CALD1: variants seen among roughly 807,000 people sequenced by gnomAD.
The protein encoded by CALD1 is caldesmon 1, also known as caldesmon.
CALD1 carries 33 observed loss-of-function variants against 99.9 expected under a neutral mutation model. The ratio of observed to expected loss-of-function variants is 0.33; its 90% CI spans 0.25 to 0.44. The LOEUF (loss-of-function observed/expected upper bound fraction) is 0.44. CALD1 is among the 20% of genes least tolerant of loss of function. CALD1 has a pLI of 1.00. For synonymous variants in CALD1, 310 were observed against 325.0 expected, an observed-to-expected ratio of 0.95 and a Z score of 0.50; for missense variants, 861 against 962.1, an observed-to-expected ratio of 0.89 and a Z score of 1.39.
chr7:134,872,477 T>G (rs1463060137), intron 3 of CALD1, among the ~76,000 whole-genome samples: 2 of 152,106 alleles, frequency 1.3e-5, no homozygotes, highest in Admixed American at 1.3e-4. Context: ...TCTGAGTTCT[T>G]GAGATAAGGT....
At chr7:134,740,232 C>T (rs1562986409), upstream of CALD1, among the ~76,000 whole-genome samples, 1 of 151,990 alleles carries the variant, frequency 6.6e-6, no homozygotes, top group Non-Finnish European at 1.5e-5. Flanking sequence ...ACATTTGAAT[C>T]AGTGCCTTGA....
intron 9 of CALD1, among the ~76,000 whole-genome samples, chr7:134,952,893 A>C (rs979842673): frequency 2.6e-5 from 4 of 152,200 alleles, no homozygotes; most frequent in African/African-American, 9.7e-5. Flanking sequence ...CCACAGAGGG[A>C]TTATACATTT....
In CALD1 at chr7:134,897,195, CTG is replaced by C. The variant is rs563489824; in HGVS notation, c.71+29392_71+29393del. On this transcript the variant is annotated intron_variant, in intron 3 of 14. Coordinates refer to ENST00000361675, the MANE Select transcript of CALD1 (RefSeq NM_033138.4). ...ATTCTAGTGAATACTGCTGTACTGA[CTG>C]AGCATTAAGAACATCAAAAAGGACA... Among the ~76,000 whole-genome samples the C allele has an allele frequency of 2.8e-3, 432 of 152,222 alleles. 2 individuals are homozygous for C. The highest frequency in any genetic ancestry group is 0.01 in the Middle Eastern group (3 of 294).
chr7:134,944,105 T>C (rs1162686095), intron 7 of CALD1, among the ~76,000 whole-genome samples: 1 of 152,132 alleles, frequency 6.6e-6, no homozygotes, highest in Non-Finnish European at 1.5e-5. Flanking sequence ...GGAAAGACCC[T>C]AAATTGACTG....
In CALD1 at chr7:134,750,960, A is replaced by G. The variant is rs1053890847; in HGVS notation, c.-130+6597A>G. Reference sequence around the variant, plus strand: ...TTATTACAGCCTATCATTTGGGAATATGGCATGCTTCTCCATCACTGTATT... The same window carrying G: ...TTATTACAGCCTATCATTTGGGAATGTGGCATGCTTCTCCATCACTGTATT... On this transcript the variant is annotated intron_variant, in intron 1 of 13. Coordinates refer to the CALD1 transcript ENST00000417172. Among the ~76,000 whole-genome samples, 5 of 152,276 alleles carry G rather than the reference A, an allele frequency of 3.3e-5. No homozygotes were observed. In the South Asian group the frequency reaches 8.3e-4, roughly 25 times the overall value.
chr7:134,935,588 C>A, intron 5 of CALD1, 100 bp from the exon 6 acceptor site: 1 of 1,502,416 alleles, frequency 6.7e-7, no homozygotes, highest in Non-Finnish European at 8.9e-7. Flanking sequence ...GAAGCCATCC[C>A]ACGCAGCACT....
chr7:134,850,679 C>A (rs1221430562), intron 2 of CALD1, among the ~76,000 whole-genome samples: 1 of 152,152 alleles, frequency 6.6e-6, no homozygotes, highest in Non-Finnish European at 1.5e-5. Context: ...GGCACATGGT[C>A]AGCCATCAGT....
In CALD1 at chr7:134,886,501, C is replaced by T. The variant is rs537388061; in HGVS notation, c.71+18697C>T. Among the ~76,000 whole-genome samples, 57 of 152,312 alleles carry T rather than the reference C, an allele frequency of 3.7e-4. 1 individual carries two copies. Among genetic ancestry groups the T allele is most frequent in the African/African-American group, 1.3e-3 (52 of 41,576 alleles). Reference sequence around the variant, plus strand: ...TGATGTTAGGATGTGTTAACAGGAACGTGGCAGGAAGCACTGGGACTTCAG... The same window carrying T: ...TGATGTTAGGATGTGTTAACAGGAATGTGGCAGGAAGCACTGGGACTTCAG... On this transcript the variant is annotated intron_variant, in intron 3 of 14. Transcript: ENST00000361675.
chr7:134,890,730 A>C (rs1240133865), intron 3 of CALD1, among the ~76,000 whole-genome samples: 1 of 152,208 alleles, frequency 6.6e-6, no homozygotes. Context: ...TCCATTGCCC[A>C]GCTTGGCTGA....
chr7:134,927,454 A>C lies in CALD1; in HGVS notation c.72-1300A>C, dbSNP rs184950691. Among the ~76,000 whole-genome samples the C allele has an allele frequency of 2.7e-4, 36 of 133,328 alleles. No individual in the cohort carries two copies. In the South Asian group the frequency reaches 7.6e-3, roughly 28 times the overall value. The allele number at this position is 133,328 out of a possible 152,430, so 87.5% of individuals were successfully genotyped here. A position where few individuals can be genotyped will look rare whatever the true frequency, so the allele number is the denominator to read the frequency against. On this transcript the variant is annotated intron_variant, in intron 3 of 14. Transcript: ENST00000361675. ...ATAGTCCCAGCTACTCAGGAGGCTG[A>C]GGTGGGACAATTGCTTGAGCCTGGG...
chr7:134,940,236 T>C (rs901252012), intron 6 of CALD1, among the ~76,000 whole-genome samples: 2 of 152,192 alleles, frequency 1.3e-5, no homozygotes, highest in Admixed American at 6.5e-5. Flanking sequence ...TGAATTCCTT[T>C]ACCCCCTCCC....
At chr7:134,825,922 A>C (rs534925369) in intron 1 of CALD1, among the ~76,000 whole-genome samples, 159 of 152,228 alleles carry the variant, frequency 1.0e-3, no homozygotes, top group Non-Finnish European at 1.8e-3. Context: ...GTTTTCCTTC[A>C]GTTTCACCAA....
At chr7:134,926,891 A>G (rs1805065743) in intron 3 of CALD1, among the ~76,000 whole-genome samples, 1 of 152,226 alleles carries the variant, frequency 6.6e-6, no homozygotes, top group Non-Finnish European at 1.5e-5. Context: ...TACACTTTAA[A>G]ATATGCCAAC....
intron 1 of CALD1, among the ~76,000 whole-genome samples, chr7:134,748,840 C>T (rs186800480): frequency 5.0e-4 from 76 of 152,086 alleles, no homozygotes; most frequent in African/African-American, 1.7e-3. Context: ...CTCAAGGTGA[C>T]GGTATTATGA....
chr7:134,911,252 T>G (rs1362859011), intron 3 of CALD1, among the ~76,000 whole-genome samples: 2 of 150,246 alleles, frequency 1.3e-5, no homozygotes, highest in Non-Finnish European at 3.0e-5. Context: ...CTGGAACTGA[T>G]GGTCAGAAAG....
intron 1 of CALD1, among the ~76,000 whole-genome samples, chr7:134,761,225 C>G (rs531434596): frequency 6.6e-6 from 1 of 152,172 alleles, no homozygotes; most frequent in Non-Finnish European, 1.5e-5. Flanking sequence ...TTCTCCCTAA[C>G]CCCAACCCCC....
At chr7:134,773,861 TGTGATGCTCATATTTAAGA>T (rs1226789910) in intron 1 of CALD1, among the ~76,000 whole-genome samples, 4 of 151,706 alleles carry the variant, frequency 2.6e-5, no homozygotes, top group Non-Finnish European at 5.9e-5. Context: ...CTTTCCTTAA[TGTGATGCTCATATTTAAGA>T]GTGAGGTAGG....
intron 3 of CALD1, among the ~76,000 whole-genome samples, chr7:134,888,580 A>G (rs185350831): frequency 6.6e-6 from 1 of 152,144 alleles, no homozygotes; most frequent in African/African-American, 2.4e-5. Flanking sequence ...CTCATGATTC[A>G]CTTGTTATCT....
chr7:134,940,003 AG>A (rs1163206118), intron 6 of CALD1, among the ~76,000 whole-genome samples: 1 of 152,072 alleles, frequency 6.6e-6, no homozygotes, highest in African/African-American at 2.4e-5. Flanking sequence ...ATCTTCACAG[AG>A]TATCTGAAGA....
Sources: gnomAD v4.1 joint callset for allele counts (sites outside exome capture counted in the v4.1 genomes callset) on GRCh38, gnomAD v4.1.1 for gene constraint, MANE v1.5 for transcripts, NCBI Gene and HGNC (gene_info 2026-07-23, HGNC 2026-07-21) for gene names.